The following ARAP1 variants were observed in gnomAD, a reference collection of about 807,000 sequenced individuals.
The protein encoded by ARAP1 is arf-GAP with Rho-GAP domain, ANK repeat and PH domain-containing protein 1.
ARAP1 carries 76 observed loss-of-function variants against 172.2 expected under a neutral mutation model. The observed-to-expected ratio is 0.44, with a 90% CI of 0.37 to 0.53. The LOEUF (loss-of-function observed/expected upper bound fraction) is 0.53, where lower values mean the gene tolerates loss of function less well. ARAP1 is among the 20% of genes least tolerant of loss of function. The pLI, the probability that ARAP1 is intolerant of heterozygous loss-of-function variation, is 0.00. For synonymous variants in ARAP1, 804 were observed against 803.3 expected (o/e 1.00, Z -0.01); for missense variants, 1,686 against 1,977.5 (o/e 0.85, Z 2.80).
Position 72,699,371 on chromosome 11 carries a change from T to C in ARAP1, c.2438+46A>G, listed in dbSNP as rs1217664355. ...ATTTCCCTGTCTCCCCAGTGGGGGA[T>C]TGTACCTTATAGCAACCACAGTCTG... On this transcript the variant is annotated intron_variant, in intron 17 of 34. Coordinates refer to ENST00000393609, the MANE Select transcript of ARAP1 (RefSeq NM_001040118.3). This position sits in a 1 kb window ranked among gnomAD's most constrained non-coding sequence, Gnocchi z 4.2. 14 of 1,612,260 alleles carry C rather than the reference T, an allele frequency of 8.7e-6. No individual in the cohort carries two copies. Among genetic ancestry groups the C allele is most frequent in the East Asian group, 2.2e-5 (1 of 44,852 alleles).
intron 30 of ARAP1, among the ~76,000 whole-genome samples, chr11:72,691,855 G>A (rs1855946514): frequency 6.6e-6 from 1 of 152,164 alleles, no homozygotes; most frequent in Non-Finnish European, 1.5e-5. Flanking sequence ...TGGGTGGGGG[G>A]ATGGTTTCGG....
Position 72,716,240 on chromosome 11 carries a change from C to T in ARAP1, c.510-1919G>A, listed in dbSNP as rs946620237. ...CTAAATGACATTTTTCAAAGTATCT[C>T]CTTTGTGCCAAGATCTGAACCCTGA... On this transcript the variant is annotated intron_variant, in intron 3 of 34. Coordinates refer to ENST00000393609, the MANE Select transcript of ARAP1 (RefSeq NM_001040118.3). 2.6e-5 allele frequency among the ~76,000 whole-genome samples: 4 copies of T among 151,724 alleles called. No individual in the cohort carries two copies. In the East Asian group the frequency reaches 7.7e-4, roughly 29 times the overall value.
intron 30 of ARAP1, 196 bp from the exon 31 acceptor site, chr11:72,688,733 C>T: frequency 1.8e-6 from 1 of 566,652 alleles, no homozygotes; most frequent in Non-Finnish European, 3.2e-6. Flanking sequence ...AGCCCTAGGC[C>T]CCCAAGGCCT....
intron 12 of ARAP1, 109 bp from the exon 13 acceptor site, chr11:72,705,999 G>T: frequency 9.3e-7 from 1 of 1,073,898 alleles, no homozygotes; most frequent in Non-Finnish European, 1.4e-6. Flanking sequence ...CCACAGGCAG[G>T]CCCCAGGGGG....
Position 72,714,327 on chromosome 11 carries a change from A to C in ARAP1, c.510-6T>G. 6.5e-7 allele frequency: 1 copy of C among 1,547,004 alleles called. No individual in the cohort carries two copies. The highest frequency in any genetic ancestry group is 1.2e-5 in the South Asian group (1 of 82,976). ...CCTCCTCCTTAGTGGGCAGGCTGGGAACACAACAAAAGTTGGGCATCACTA... is the reference window on the plus strand; with the variant it reads ...CCTCCTCCTTAGTGGGCAGGCTGGGCACACAACAAAAGTTGGGCATCACTA... On this transcript the variant is annotated splice_region_variant and splice_polypyrimidine_tract_variant and intron_variant, in intron 3 of 34. Coordinates refer to ENST00000393609, the MANE Select transcript of ARAP1 (RefSeq NM_001040118.3).
Position 72,697,123 on chromosome 11 carries a change from C to A in ARAP1, c.3026G>T (p.Arg1009Leu), listed in dbSNP as rs1317292844. Residue 1009 changes from arginine to leucine, a missense_variant, in exon 22 of 35, where the codon CGG (arginine) becomes CTG (leucine). Transcript: ENST00000393609. ...GAGGTGCACAGAGCGCGCATCCTGC[C>A]GCAGGCTCTCCAGCAGCCGCTGTGT... The part of the protein sequence containing the change: ...SKTQRLLESL[R>L]QDARSVHLKE... 2 of 1,606,822 alleles carry A rather than the reference C, an allele frequency of 1.2e-6. No individual in the cohort carries two copies. The highest frequency in any genetic ancestry group is 1.7e-6 in the Non-Finnish European group (2 of 1,179,878).
At chr11:72,713,586 GC>G (rs1218036862) in intron 4 of ARAP1, among the ~76,000 whole-genome samples, 1 of 152,152 alleles carries the variant, frequency 6.6e-6, no homozygotes, top group Non-Finnish European at 1.5e-5. Context: ...GGTGGCTCAT[GC>G]CTGTAATCCC....
At chr11:72,723,327 A>G (rs900611) in intron 3 of ARAP1, among the ~76,000 whole-genome samples, 108,060 of 151,626 alleles carry the variant, frequency 0.71, 39,377 homozygotes, top group African/African-American at 0.86. Flanking sequence ...TAATGATGAT[A>G]ATAATAATAA....
In ARAP1 at chr11:72,726,186, C is replaced by A. The variant is rs935884068; in HGVS notation, c.509+434G>T. Among the ~76,000 whole-genome samples the A allele has an allele frequency of 6.6e-6, 1 of 152,144 alleles. No individual in the cohort carries two copies. On this transcript the variant is annotated intron_variant, in intron 3 of 34. Transcript: ENST00000393609. The surrounding 1 kb of genome is among the most constrained non-coding windows in gnomAD (Gnocchi z 6.5). ...ACCACCAGGACCTGGGCAGTCCCCT[C>A]ACCCCCAACCCTACCCCGCAGCTTT...
Position 72,709,994 on chromosome 11 carries a change from C to T in ARAP1, c.1417-18G>A, listed in dbSNP as rs371239023. The stretch of plus-strand genomic sequence containing the variant: ...TGGTACTCCTGGAGGGCAGATGGGA[C>T]GGGATGAGGGCAAGGCTTTGGGGGC... On this transcript the variant is annotated intron_variant, in intron 10 of 34. Transcript: ENST00000393609. 2.2e-4 allele frequency: 359 copies of T among 1,606,538 alleles called. No individual in the cohort carries two copies. The highest frequency in any genetic ancestry group is 2.8e-4 in the Non-Finnish European group (332 of 1,173,700).
Position 72,712,537 on chromosome 11 carries a change from G to T in ARAP1, c.779C>A (p.Ala260Asp). 2 of 1,613,466 alleles carry T rather than the reference G, an allele frequency of 1.2e-6. No homozygotes were observed. Among genetic ancestry groups the T allele is most frequent in the Non-Finnish European group, 1.7e-6 (2 of 1,179,940 alleles). ...GCTCAGCAGACTGGCCACGCGCACG[G>T]CCCGTGGGACTCGGCTCGGTGGGGG... is the stretch of plus-strand genomic sequence containing the variant. ...EEPPPSRVPR[A>D]VRVASLLSEG... Residue 260 changes from alanine (A) to aspartate (D), a missense_variant, in exon 6 of 35, where the codon GCC (alanine) becomes GAC (aspartate). By Grantham distance (126) the Ala-to-Asp change is moderately radical (BLOSUM62 -2). This residue lies in a region of ARAP1 where 688 missense variants were observed against 856.9 expected (regional missense o/e 0.80). Transcript: ENST00000393609.
chr11:72,694,900 G>C (rs965862773), intron 27 of ARAP1, 80 bp downstream of exon 27: 1 of 1,248,232 alleles, frequency 8.0e-7, no homozygotes, highest in Non-Finnish European at 1.1e-6. Flanking sequence ...CTCATGTGCA[G>C]GGTAGGGGAG....
At chr11:72,690,201 G>A (rs967473670) in intron 30 of ARAP1, among the ~76,000 whole-genome samples, 2 of 152,112 alleles carry the variant, frequency 1.3e-5, no homozygotes, top group Non-Finnish European at 2.9e-5. Context: ...TGAGTTGAGG[G>A]TGGACGGGAC....
intron 1 of ARAP1, among the ~76,000 whole-genome samples, chr11:72,735,381 C>A (rs1203737698): frequency 6.6e-6 from 1 of 151,230 alleles, no homozygotes; most frequent in African/African-American, 2.4e-5. Flanking sequence ...GAGGCCAAGG[C>A]GGGTAGATCA....
chr11:72,706,607 C>T (rs1189479905), intron 12 of ARAP1, among the ~76,000 whole-genome samples: 1 of 152,210 alleles, frequency 6.6e-6, no homozygotes, highest in African/African-American at 2.4e-5. Flanking sequence ...AGATCCTGAA[C>T]AGCCCTCAAA....
At chr11:72,694,730 C>T (rs1268850251) in intron 27 of ARAP1, among the ~76,000 whole-genome samples, 1 of 152,106 alleles carries the variant, frequency 6.6e-6, no homozygotes, top group Admixed American at 6.5e-5. Context: ...CCACCTTTAC[C>T]ATAAAATACA....
chr11:72,733,462 C>CT (rs1404127367), intron 1 of ARAP1, among the ~76,000 whole-genome samples: 1 of 152,090 alleles, frequency 6.6e-6, no homozygotes, highest in Non-Finnish European at 1.5e-5. Context: ...GGCCCTGCCC[C>CT]TAAATATGTA....
chr11:72,710,024 C>T lies in ARAP1; in HGVS notation c.1417-48G>A, dbSNP rs571473635. 150 of 1,541,250 alleles carry T rather than the reference C, an allele frequency of 9.7e-5. No homozygotes were observed. The highest frequency in any genetic ancestry group is 7.3e-4 in the South Asian group (65 of 89,492). On this transcript the variant is annotated intron_variant, in intron 10 of 34. Coordinates refer to ENST00000393609, the MANE Select transcript of ARAP1 (RefSeq NM_001040118.3). The surrounding 1 kb of genome is among the most constrained non-coding windows in gnomAD (Gnocchi z 4.3). ...TGAGGGCAAGGCTTTGGGGGCAGGGCGTGAGGCTTGGGACAGGGAGAGGAA... is the reference window on the plus strand; with the variant it reads ...TGAGGGCAAGGCTTTGGGGGCAGGGTGTGAGGCTTGGGACAGGGAGAGGAA...
chr11:72,685,512 C>A lies in ARAP1; in HGVS notation c.*152G>T. ...CTGCCTCCCACCCCTGCCGGGGAACCCCATGCTGCAGTCAGGATGGAGGAT... is the reference window on the plus strand; with the variant it reads ...CTGCCTCCCACCCCTGCCGGGGAACACCATGCTGCAGTCAGGATGGAGGAT... On this transcript the variant is annotated 3_prime_UTR_variant, in exon 35 of 35. Transcript: ENST00000393609. The A allele has an allele frequency of 9.1e-7, 1 of 1,103,448 alleles. No homozygotes were observed. The highest frequency in any genetic ancestry group is 2.4e-5 in the East Asian group (1 of 41,296). The allele number at this position is 1,103,448 out of a possible 1,614,324, so 68.4% of individuals were successfully genotyped here. A position where few individuals can be genotyped will look rare whatever the true frequency, so the allele number is the denominator to read the frequency against.
Sources: allele counts gnomAD v4.1 joint callset (sites outside exome capture counted in the v4.1 genomes callset), GRCh38; gene constraint gnomAD v4.1.1; regional missense constraint gnomAD v4.1.1; non-coding constraint Gnocchi (gnomAD v3.1); transcripts MANE v1.5; gene names NCBI Gene and HGNC (gene_info 2026-07-23, HGNC 2026-07-21).